The following SLIT3 variants were observed in gnomAD, a reference collection of about 807,000 sequenced individuals.
SLIT3 encodes the protein slit guidance ligand 3, also known as slit homolog 3 protein.
SLIT3 carries 68 observed loss-of-function variants against 184.0 expected under a neutral mutation model. The ratio of observed to expected loss-of-function variants is 0.37; its 90% CI spans 0.30 to 0.45. SLIT3 has a LOEUF of 0.45. Ranked by LOEUF, SLIT3 falls within the 20% of genes least tolerant of loss-of-function variation. The pLI, the probability that SLIT3 is intolerant of heterozygous loss-of-function variation, is 1.00. For synonymous variants in SLIT3, 831 were observed against 828.6 expected (o/e 1.00, Z -0.05); for missense variants, 1,707 against 2,026.0 (o/e 0.84, Z 3.02).
chr5:168,762,293 T>C (rs73308224), intron 15 of SLIT3, among the ~76,000 whole-genome samples: 1,955 of 152,304 alleles, frequency 0.013, 35 homozygotes, highest in African/African-American at 0.043. Flanking sequence ...CCTAGCATGA[T>C]GCCGGCTCAC....
intron 4 of SLIT3, among the ~76,000 whole-genome samples, chr5:168,920,801 T>G (rs1286825266): frequency 7.0e-6 from 1 of 143,150 alleles, no homozygotes; most frequent in East Asian, 2.0e-4. Context: ...CAAGTCTCTC[T>G]CTCCCTATTT....
At chr5:168,762,026 C>A (rs1478103060) in intron 15 of SLIT3, among the ~76,000 whole-genome samples, 2 of 151,098 alleles carry the variant, frequency 1.3e-5, no homozygotes, top group African/African-American at 4.9e-5. Flanking sequence ...TCCCCCTGGC[C>A]TCCCAAAGTG....
intron 27 of SLIT3, among the ~76,000 whole-genome samples, chr5:168,696,876 C>T (rs1173922373): frequency 6.6e-6 from 1 of 152,060 alleles, no homozygotes; most frequent in Non-Finnish European, 1.5e-5. Flanking sequence ...TTTTTTTACT[C>T]AAAGGCAGCC....
At chr5:169,245,625 A>T (rs565010151) in intron 2 of SLIT3, among the ~76,000 whole-genome samples, 2 of 152,212 alleles carry the variant, frequency 1.3e-5, no homozygotes, top group East Asian at 3.9e-4. Flanking sequence ...TTGTGATTGG[A>T]GAATGTTTCT....
chr5:169,187,677 C>T (rs1238481111), intron 4 of SLIT3, among the ~76,000 whole-genome samples: 5 of 151,508 alleles, frequency 3.3e-5, no homozygotes, highest in Non-Finnish European at 5.9e-5. Context: ...CCTCAGTCTC[C>T]GGAATAGCTG....
At chr5:169,126,016 A>T (rs1416327505) in intron 4 of SLIT3, among the ~76,000 whole-genome samples, 1 of 152,132 alleles carries the variant, frequency 6.6e-6, no homozygotes, top group Non-Finnish European at 1.5e-5. Flanking sequence ...TTTTTAGCTC[A>T]TCTCATGGTG....
At chr5:168,788,709 T>C (rs1324068235) in intron 11 of SLIT3, among the ~76,000 whole-genome samples, 2 of 132,358 alleles carry the variant, frequency 1.5e-5, no homozygotes, top group African/African-American at 5.7e-5. Context: ...TTGTCTGAGT[T>C]CTTCAGCTGT....
In SLIT3 at chr5:168,952,531, A is replaced by AC. The variant is rs1318933136; in HGVS notation, c.414-69196_414-69195insG. On this transcript the variant is annotated intron_variant, in intron 4 of 35. Transcript: ENST00000519560. ...CTCAGAGAAGAAGGGAAAATGCCAA[A>AC]AAAAAAAAAAAAAAAAAGAGGGGAG... Among the ~76,000 whole-genome samples, 5 of 60,504 alleles carry AC rather than the reference A, an allele frequency of 8.3e-5. No homozygotes were observed. The East Asian group carries it at 1.4e-3, about 17-fold the overall frequency. The allele number at this position is 60,504 out of a possible 152,430, so 39.7% of individuals were successfully genotyped here.
chr5:168,846,270 A>G (rs577718198), intron 5 of SLIT3, among the ~76,000 whole-genome samples: 1 of 152,332 alleles, frequency 6.6e-6, no homozygotes, highest in East Asian at 1.9e-4. Context: ...GAGAAGCAGA[A>G]GCACATTTTC....
At chr5:169,119,417 G>A (rs1760803516) in intron 4 of SLIT3, among the ~76,000 whole-genome samples, 1 of 152,206 alleles carries the variant, frequency 6.6e-6, no homozygotes, top group Admixed American at 6.5e-5. Context: ...TTATCATGCT[G>A]ATTAATGCTG....
At chr5:169,207,367 A>G (rs1003155889) in intron 3 of SLIT3, among the ~76,000 whole-genome samples, 2 of 108,916 alleles carry the variant, frequency 1.8e-5, no homozygotes, top group Non-Finnish European at 3.8e-5. Context: ...ACATACACAT[A>G]CATACACACA....
chr5:168,981,305 G>C (rs974767796), intron 4 of SLIT3, among the ~76,000 whole-genome samples: 8 of 152,180 alleles, frequency 5.3e-5, no homozygotes, highest in Non-Finnish European at 1.2e-4. Context: ...CAACAGTTCA[G>C]ATTTTGGTAA....
At chr5:168,998,371 T>G (rs940120583) in intron 4 of SLIT3, among the ~76,000 whole-genome samples, 6 of 152,116 alleles carry the variant, frequency 3.9e-5, no homozygotes, top group Non-Finnish European at 5.9e-5. Flanking sequence ...AGTTATAATG[T>G]TTTGATGCCA....
In SLIT3 at chr5:169,300,748, CG is replaced by C. The variant is rs1391506542; in HGVS notation, c.-40del. On this transcript the variant is annotated 5_prime_UTR_variant, in exon 1 of 36. Transcript: ENST00000519560. This position sits in a 1 kb window ranked among gnomAD's most constrained non-coding sequence, Gnocchi z 4.1. ...CCGCTCCTGGAGGAGGCTGCCTCTG[CG>C]GGGCAAGACGCGTGGAGCCCGAGGA... 1.6e-5 allele frequency: 20 copies of C among 1,278,504 alleles called. No homozygotes were observed. Among genetic ancestry groups the C allele is most frequent in the Non-Finnish European group, 2.0e-5 (20 of 1,014,980 alleles). 79.2% of individuals were successfully genotyped at this position (1,278,504 alleles called of 1,614,324 possible).
intron 4 of SLIT3, among the ~76,000 whole-genome samples, chr5:169,001,920 G>A (rs1755713816): frequency 1.3e-5 from 2 of 152,034 alleles, no homozygotes; most frequent in African/African-American, 4.8e-5. Flanking sequence ...CCAGAGAAGG[G>A]AGACATTGGT....
intron 7 of SLIT3, 72 bp from the exon 8 acceptor site, chr5:168,817,535 G>A (rs1757374375): frequency 2.0e-6 from 3 of 1,498,966 alleles, no homozygotes; most frequent in Non-Finnish European, 2.8e-6. Flanking sequence ...GCCAGACAGA[G>A]TGACCAAAAC....
At chr5:169,079,913 G>A (rs1012057217) in intron 4 of SLIT3, among the ~76,000 whole-genome samples, 2 of 149,870 alleles carry the variant, frequency 1.3e-5, no homozygotes, top group African/African-American at 2.5e-5. Context: ...AGAAGAAGAG[G>A]AGGAAGAGGA....
At chr5:168,728,277 C>CATATATATATATAT (rs3061738) in intron 20 of SLIT3, among the ~76,000 whole-genome samples, 1,412 of 140,858 alleles carry the variant, frequency 0.01, 9 homozygotes, top group Non-Finnish European at 0.015. Flanking sequence ...TAATCAACAA[C>CATATATATATATAT]ATATATATAT....
chr5:169,234,570 ATTTTT>A (rs572498020), intron 3 of SLIT3, among the ~76,000 whole-genome samples: 1 of 150,460 alleles, frequency 6.6e-6, no homozygotes, highest in Non-Finnish European at 1.5e-5. Flanking sequence ...CACCTGGCTA[ATTTTT>A]TTTTTATTTT....
Sources: allele counts gnomAD v4.1 joint callset (sites outside exome capture counted in the v4.1 genomes callset), GRCh38; gene constraint gnomAD v4.1.1; non-coding constraint Gnocchi (gnomAD v3.1); transcripts MANE v1.5; gene names NCBI Gene and HGNC (gene_info 2026-07-23, HGNC 2026-07-21).